Variants in LRP1B observed in about 807,000 individuals in gnomAD.
The protein encoded by LRP1B is LDL receptor related protein 1B.
LRP1B carries 217 observed loss-of-function variants against 556.6 expected under a neutral mutation model. The ratio of observed to expected loss-of-function variants is 0.39; its 90% confidence interval spans 0.35 to 0.44. LRP1B has a LOEUF of 0.44. Ranked by LOEUF, LRP1B falls within the 20% of genes least tolerant of loss-of-function variation. LRP1B has a pLI of 1.00. For synonymous variants in LRP1B, 2,047 were observed against 1,865.8 expected (o/e 1.10, Z -2.50); for missense variants, 5,053 against 5,620.8 (o/e 0.90, Z 3.23).
chr2:140,304,795 C>T (rs1050474479), intron 83 of LRP1B, among the ~76,000 whole-genome samples: 3 of 152,066 alleles, frequency 2.0e-5, no homozygotes, highest in South Asian at 2.1e-4. Context: ...TTAGGTCTAA[C>T]GTTTAAGTCT....
chr2:141,011,188 A>G lies in LRP1B; in HGVS notation c.2380+2368T>C, dbSNP rs79024116. On this transcript the variant is annotated intron_variant, in intron 14 of 90. Transcript: ENST00000389484. Reference sequence around the variant, plus strand: ...AGATTTGATTTTCTCTTCAATTGCTATATTTTATCCATAGGGAAAAAAAAA... The same window carrying G: ...AGATTTGATTTTCTCTTCAATTGCTGTATTTTATCCATAGGGAAAAAAAAA... 1.4e-3 allele frequency among the ~76,000 whole-genome samples: 183 copies of G among 134,284 alleles called. 3 individuals are homozygous for G. In the East Asian group the frequency reaches 0.038, roughly 28 times the overall value. 88.1% of individuals were successfully genotyped at this position (134,284 alleles called of 152,430 possible). A position where few individuals can be genotyped will look rare whatever the true frequency, so the allele number is the denominator to read the frequency against.
chr2:141,014,212 T>C (rs1314523508), intron 13 of LRP1B, among the ~76,000 whole-genome samples: 1 of 152,026 alleles, frequency 6.6e-6, no homozygotes, highest in Non-Finnish European at 1.5e-5. Context: ...GTCAAAAGGA[T>C]CCTCCTACTT....
chr2:141,239,823 G>C (rs1683796369), intron 5 of LRP1B, among the ~76,000 whole-genome samples: 1 of 151,912 alleles, frequency 6.6e-6, no homozygotes. Context: ...CTAGTGATGG[G>C]AAAAAGTAAA....
chr2:141,176,988 G>C (rs548879406), intron 7 of LRP1B, among the ~76,000 whole-genome samples: 63 of 152,200 alleles, frequency 4.1e-4, no homozygotes, highest in African/African-American at 1.5e-3. Flanking sequence ...ATGTGTATTG[G>C]TTGGCTATTT....
At chr2:141,008,054 A>G (rs1306006691) in intron 14 of LRP1B, among the ~76,000 whole-genome samples, 1 of 151,432 alleles carries the variant, frequency 6.6e-6, no homozygotes, top group East Asian at 1.9e-4. Context: ...TGTTCCAGAT[A>G]GATCTCATAT....
chr2:141,831,577 A>G (rs562285830), intron 1 of LRP1B, among the ~76,000 whole-genome samples: 43 of 151,790 alleles, frequency 2.8e-4, no homozygotes, highest in African/African-American at 1.0e-3. Context: ...TGAATATATA[A>G]AACTCATTAA....
In LRP1B at chr2:141,179,661, C is replaced by CA. The variant is rs1375627659; in HGVS notation, c.1013+8759dup. Among the ~76,000 whole-genome samples, 29 of 151,846 alleles carry CA rather than the reference C, an allele frequency of 1.9e-4. 1 individual carries two copies. Among genetic ancestry groups the CA allele is most frequent in the Non-Finnish European group, 1.0e-4 (7 of 67,914 alleles). ...ACATTTGCCTTTTCCTTTTCTATGA[C>CA]AAAACAACCACCACCACCAACACCA... On this transcript the variant is annotated intron_variant, in intron 7 of 90. Transcript: ENST00000389484.
intron 1 of LRP1B, among the ~76,000 whole-genome samples, chr2:141,983,270 CA>C (rs1437959968): frequency 6.6e-6 from 1 of 152,156 alleles, no homozygotes; most frequent in African/African-American, 2.4e-5. Flanking sequence ...GCTACTCACA[CA>C]CACAAATTGG....
At chr2:141,958,548 T>A (rs992156542) in intron 1 of LRP1B, among the ~76,000 whole-genome samples, 1 of 151,964 alleles carries the variant, frequency 6.6e-6, no homozygotes, top group Non-Finnish European at 1.5e-5. Flanking sequence ...TTATAATTTT[T>A]TAAAAAATCT....
chr2:141,079,806 G>A (rs1699880414), intron 7 of LRP1B, among the ~76,000 whole-genome samples: 1 of 152,110 alleles, frequency 6.6e-6, no homozygotes, highest in Non-Finnish European at 1.5e-5. Flanking sequence ...TATACTATTA[G>A]GTTGGTGCAA....
intron 7 of LRP1B, among the ~76,000 whole-genome samples, chr2:141,179,645 T>C (rs1298761525): frequency 6.6e-6 from 1 of 151,906 alleles, no homozygotes; most frequent in African/African-American, 2.4e-5. Context: ...AACATTTGCC[T>C]TTTCCTTTTC....
At chr2:141,654,675 C>T (rs185382728) in intron 2 of LRP1B, among the ~76,000 whole-genome samples, 56 of 152,246 alleles carry the variant, frequency 3.7e-4, no homozygotes, top group African/African-American at 1.2e-3. Flanking sequence ...AAGGAAGATG[C>T]TGTTACTTCA....
chr2:140,751,236 G>A (rs572597321), intron 35 of LRP1B, among the ~76,000 whole-genome samples: 5 of 152,062 alleles, frequency 3.3e-5, no homozygotes, highest in South Asian at 2.1e-4. Flanking sequence ...CAGGTGATCC[G>A]CCTGCCTTGG....
intron 66 of LRP1B, among the ~76,000 whole-genome samples, chr2:140,393,436 T>C (rs530577111): frequency 2.0e-5 from 3 of 147,962 alleles, no homozygotes; most frequent in African/African-American, 8.0e-5. Flanking sequence ...TTCGTTCCTT[T>C]TTTTTTTAAG....
chr2:141,709,884 T>C (rs1281941671), intron 2 of LRP1B, among the ~76,000 whole-genome samples: 1 of 152,082 alleles, frequency 6.6e-6, no homozygotes, highest in African/African-American at 2.4e-5. Context: ...AGGCTGGAAG[T>C]GCAAGATCAA....
In LRP1B at chr2:140,934,670, G is replaced by GC. The variant is rs527368549; in HGVS notation, c.3137-11524dup. On this transcript the variant is annotated intron_variant, in intron 20 of 90. Transcript: ENST00000389484. ...GATCCAGAGTAGACAGACAGGATCT[G>GC]CCCTCCAAATTCTGGGATCCGTGCT... 1.6e-3 allele frequency among the ~76,000 whole-genome samples: 244 copies of GC among 152,206 alleles called. 1 individual carries two copies. Among genetic ancestry groups the GC allele is most frequent in the Non-Finnish European group, 2.8e-3 (192 of 67,992 alleles).
intron 41 of LRP1B, among the ~76,000 whole-genome samples, chr2:140,620,301 G>T (rs777227564): frequency 1.3e-5 from 2 of 152,136 alleles, no homozygotes; most frequent in Non-Finnish European, 2.9e-5. Flanking sequence ...TGGAATGGAG[G>T]CTGTAAAGTT....
intron 6 of LRP1B, among the ~76,000 whole-genome samples, chr2:141,225,463 CATA>C (rs1161745439): frequency 1.3e-5 from 2 of 152,068 alleles, no homozygotes; most frequent in African/African-American, 4.8e-5. Flanking sequence ...TTGTAAATCC[CATA>C]ATTTTTGTTA....
chr2:140,352,609 C>G (rs943793308), intron 76 of LRP1B, among the ~76,000 whole-genome samples: 1 of 152,038 alleles, frequency 6.6e-6, no homozygotes, highest in Non-Finnish European at 1.5e-5. Context: ...TTATTTTTAT[C>G]CCTGGGGTAT....
Sources: allele counts gnomAD v4.1 joint callset (sites outside exome capture counted in the v4.1 genomes callset), GRCh38; gene constraint gnomAD v4.1.1; transcripts MANE v1.5; gene names NCBI Gene and HGNC (gene_info 2026-07-23, HGNC 2026-07-21).